The following ATP2B1 variants were observed in gnomAD, a reference collection of about 807,000 sequenced individuals.
ATP2B1 encodes the protein ATPase plasma membrane Ca2+ transporting 1, also known as plasma membrane calcium-transporting ATPase 1.
Under a neutral mutation model 124.2 loss-of-function variants are expected in ATP2B1, and 14 were observed. The ratio of observed to expected loss-of-function variants is 0.11; its 90% CI spans 0.07 to 0.18. The LOEUF (loss-of-function observed/expected upper bound fraction) is 0.18, where lower values mean the gene tolerates loss of function less well. Among genes scored for constraint, ATP2B1 ranks in the 10% least tolerant of loss-of-function variants. ATP2B1 has a pLI of 1.00. For missense variants in ATP2B1, 763 were observed against 1,466.1 expected (o/e 0.52, Z 7.83); for synonymous variants, 449 against 492.4 (o/e 0.91, Z 1.17).
intron 1 of ATP2B1, among the ~76,000 whole-genome samples, chr12:89,697,760 C>A (rs1464432630): frequency 6.9e-6 from 1 of 145,874 alleles, no homozygotes; most frequent in Non-Finnish European, 1.5e-5. Flanking sequence ...TCCTCTTAGT[C>A]CCCCATCCCA....
chr12:89,606,237 C>A (rs558357824), intron 15 of ATP2B1, among the ~76,000 whole-genome samples: 18 of 152,122 alleles, frequency 1.2e-4, no homozygotes, highest in African/African-American at 3.6e-4. Context: ...AGCACTAAGT[C>A]CTCACCTTCA....
At chr12:89,618,497 A>G (rs1879397224) in intron 11 of ATP2B1, among the ~76,000 whole-genome samples, 1 of 152,210 alleles carries the variant, frequency 6.6e-6, no homozygotes, top group Non-Finnish European at 1.5e-5. Flanking sequence ...TAAACCATCT[A>G]TCTACTACCC....
Position 89,610,428 on chromosome 12 carries a change from C to T in ATP2B1, c.2328G>A (p.Leu776=), listed in dbSNP as rs1420306072. 3 of 1,612,528 alleles carry T rather than the reference C, an allele frequency of 1.9e-6. No individual in the cohort carries two copies. In the African/African-American group the frequency reaches 4.0e-5, roughly 22 times the overall value. ...ARSSPTDKHT[L]VKGIIDSTVS... ...ACTGAAAAATCTACTTACCTTTAAC[C>T]AGTGTATGCTTATCAGTAGGAGATG... Residue 776 remains leucine, a synonymous_variant, in exon 14 of 21, where the codon CTG becomes CTA. Coordinates refer to ENST00000428670, the MANE Select transcript of ATP2B1 (RefSeq NM_001366521.1).
chr12:89,654,546 ACT>A (rs1273732016), intron 2 of ATP2B1, among the ~76,000 whole-genome samples: 1 of 152,154 alleles, frequency 6.6e-6, no homozygotes, highest in African/African-American at 2.4e-5. Flanking sequence ...GTGAATACTG[ACT>A]CTGGCTTCCT....
At chr12:89,669,832 T>G (rs1887731781) in intron 1 of ATP2B1, among the ~76,000 whole-genome samples, 1 of 152,194 alleles carries the variant, frequency 6.6e-6, no homozygotes, top group Non-Finnish European at 1.5e-5. Flanking sequence ...ATTTGTTAAA[T>G]AAACAAAAAT....
intron 1 of ATP2B1, among the ~76,000 whole-genome samples, chr12:89,691,310 A>G (rs1197879693): frequency 1.3e-5 from 2 of 152,166 alleles, no homozygotes; most frequent in South Asian, 4.1e-4. Flanking sequence ...CTTTATCCTT[A>G]TGACCTCAAA....
At chr12:89,677,954 T>TTG (rs1555206865) in intron 1 of ATP2B1, among the ~76,000 whole-genome samples, 1 of 68,762 alleles carries the variant, frequency 1.5e-5, no homozygotes, top group African/African-American at 6.4e-5. Context: ...CATGCAGGAA[T>TTG]TATATATATA....
chr12:89,669,086 CT>C (rs1887629525), intron 1 of ATP2B1, among the ~76,000 whole-genome samples: 1 of 152,166 alleles, frequency 6.6e-6, no homozygotes, highest in South Asian at 2.1e-4. Context: ...TCAGTATGTA[CT>C]GCATTTTCTT....
intron 1 of ATP2B1, among the ~76,000 whole-genome samples, chr12:89,663,582 C>T (rs187915491): frequency 6.6e-6 from 1 of 152,228 alleles, no homozygotes; most frequent in African/African-American, 2.4e-5. Context: ...AAAAAAAACA[C>T]TTAACTCCAC....
rs571752986 is a variant in ATP2B1 at position 89,614,600 on chromosome 12, T to C, written c.2067+2202A>G. Among the ~76,000 whole-genome samples, 109 of 152,294 alleles carry C rather than the reference T, an allele frequency of 7.2e-4. No individual in the cohort carries two copies. In the South Asian group the frequency reaches 0.013, roughly 18 times the overall value. On this transcript the variant is annotated intron_variant, in intron 12 of 20. Transcript: ENST00000428670. ...GCGACCATCTCCTTTATAAGACTTC[T>C]AATTGTGGCAACCTCTTAGTCATAA...
chr12:89,677,390 C>A (rs1433074574), intron 1 of ATP2B1, among the ~76,000 whole-genome samples: 1 of 152,084 alleles, frequency 6.6e-6, no homozygotes, highest in Non-Finnish European at 1.5e-5. Context: ...AAGGAATAGT[C>A]TCCAACTGAG....
At chr12:89,706,370 C>T (rs1484393315) in intron 1 of ATP2B1, among the ~76,000 whole-genome samples, 4 of 150,314 alleles carry the variant, frequency 2.7e-5, no homozygotes, top group Non-Finnish European at 5.9e-5. Context: ...TGTTAATAGG[C>T]CTACAGCTAA....
At chr12:89,605,964 A>G (rs1272951017) in intron 15 of ATP2B1, among the ~76,000 whole-genome samples, 3 of 152,238 alleles carry the variant, frequency 2.0e-5, no homozygotes, top group Non-Finnish European at 4.4e-5. Flanking sequence ...AGCCAAAAAA[A>G]TTCAAACAAA....
intron 1 of ATP2B1, among the ~76,000 whole-genome samples, chr12:89,681,041 G>A (rs1364412088): frequency 6.6e-6 from 1 of 152,150 alleles, no homozygotes; most frequent in Non-Finnish European, 1.5e-5. Flanking sequence ...TTATTAGAGA[G>A]TGAAATTCAT....
At chr12:89,597,944 T>C (rs914844437) in intron 20 of ATP2B1, among the ~76,000 whole-genome samples, 1 of 134,158 alleles carries the variant, frequency 7.5e-6, no homozygotes, top group African/African-American at 2.8e-5. Flanking sequence ...AAATTGTCTA[T>C]ACAAATGGAA....
chr12:89,644,509 G>A (rs368796972), intron 2 of ATP2B1, among the ~76,000 whole-genome samples: 11 of 151,084 alleles, frequency 7.3e-5, no homozygotes, highest in African/African-American at 2.7e-4. Flanking sequence ...TGGGCAATAC[G>A]GAAAGTATTT....
intron 3 of ATP2B1, among the ~76,000 whole-genome samples, chr12:89,639,076 T>C (rs1399649143): frequency 2.0e-5 from 3 of 152,194 alleles, no homozygotes; most frequent in Non-Finnish European, 2.9e-5. Context: ...CAAGTAATAT[T>C]AGGAAGACAT....
intron 15 of ATP2B1, among the ~76,000 whole-genome samples, chr12:89,606,906 C>T (rs17465699): frequency 0.14 from 20,555 of 152,066 alleles, 1,844 homozygotes; most frequent in Non-Finnish European, 0.2. Context: ...CACTTAAACT[C>T]AATGGGATTT....
chr12:89,636,505 T>G (rs1016606649), intron 3 of ATP2B1, among the ~76,000 whole-genome samples: 1 of 152,198 alleles, frequency 6.6e-6, no homozygotes, highest in Non-Finnish European at 1.5e-5. Flanking sequence ...TAAATTGAAT[T>G]GAAATGTCTG....
Sources: allele counts gnomAD v4.1 joint callset (sites outside exome capture counted in the v4.1 genomes callset), GRCh38; gene constraint gnomAD v4.1.1; transcripts MANE v1.5; gene names NCBI Gene and HGNC (gene_info 2026-07-23, HGNC 2026-07-21).